The following CADPS variants were observed in gnomAD, a reference collection of about 807,000 sequenced individuals.
CADPS encodes calcium-dependent secretion activator 1.
In CADPS, 57 loss-of-function variants were observed where a neutral mutation model predicts 167.3. That is an observed-to-expected ratio of 0.34 (90% CI 0.28 to 0.42). CADPS has a LOEUF of 0.42. Among genes scored for constraint, CADPS ranks in the 20% least tolerant of loss-of-function variants. The pLI, the probability that CADPS is intolerant of heterozygous loss-of-function variation, is 1.00. For missense variants in CADPS, 1,414 were observed against 1,738.1 expected (o/e 0.81, Z 3.32); for synonymous variants, 676 against 635.3 (o/e 1.06, Z -0.96).
chr3:62,686,239 A>G (rs2078011600), intron 3 of CADPS, among the ~76,000 whole-genome samples: 1 of 152,068 alleles, frequency 6.6e-6, no homozygotes, highest in African/African-American at 2.4e-5. Context: ...AAACAGAAGA[A>G]CATTTTCGTT....
At chr3:62,807,111 G>C (rs1176998294) in intron 1 of CADPS, among the ~76,000 whole-genome samples, 1 of 152,114 alleles carries the variant, frequency 6.6e-6, no homozygotes, top group Non-Finnish European at 1.5e-5. Flanking sequence ...TTTGACCCAA[G>C]GGTTTGACCC....
intron 3 of CADPS, among the ~76,000 whole-genome samples, chr3:62,740,913 G>C (rs1456205953): frequency 6.6e-6 from 1 of 152,140 alleles, no homozygotes; most frequent in Non-Finnish European, 1.5e-5. Flanking sequence ...TATTACAATT[G>C]TCTACTATTT....
intron 6 of CADPS, among the ~76,000 whole-genome samples, chr3:62,620,067 T>G (rs2062929299): frequency 6.6e-6 from 1 of 151,950 alleles, no homozygotes; most frequent in Non-Finnish European, 1.5e-5. Flanking sequence ...ATTTATTGGG[T>G]GCTATTGATT....
intron 1 of CADPS, among the ~76,000 whole-genome samples, chr3:62,799,580 C>G (rs771271017): frequency 6.6e-6 from 1 of 152,146 alleles, no homozygotes; most frequent in Non-Finnish European, 1.5e-5. Context: ...ATTCTAGAGT[C>G]AAATCAACCT....
intron 1 of CADPS, among the ~76,000 whole-genome samples, chr3:62,807,325 GATCT>G (rs566418108): frequency 9.9e-6 from 1 of 100,974 alleles, no homozygotes; most frequent in Non-Finnish European, 2.5e-5. Context: ...GCACTGGCGT[GATCT>G]CAGCTCACTG....
At chr3:62,845,011 C>G (rs1197370122) in intron 1 of CADPS, among the ~76,000 whole-genome samples, 1 of 152,224 alleles carries the variant, frequency 6.6e-6, no homozygotes, top group Non-Finnish European at 1.5e-5. Context: ...TAACTAGAAA[C>G]TGTCACGGAA....
chr3:62,577,078 T>C (rs150781373), intron 8 of CADPS, among the ~76,000 whole-genome samples: 2 of 152,182 alleles, frequency 1.3e-5, no homozygotes, highest in East Asian at 3.9e-4. Context: ...TTCATCTGTG[T>C]TCAACTTTAG....
chr3:62,834,283 A>G (rs2075577529), intron 1 of CADPS, among the ~76,000 whole-genome samples: 1 of 152,092 alleles, frequency 6.6e-6, no homozygotes, highest in Non-Finnish European at 1.5e-5. Flanking sequence ...ACATTTCCAT[A>G]AGTGGGACAA....
intron 6 of CADPS, among the ~76,000 whole-genome samples, chr3:62,620,905 A>G (rs2063073972): frequency 6.6e-6 from 1 of 152,176 alleles, no homozygotes. Context: ...TGCCTCTGTC[A>G]GGATGCAGGA....
intron 12 of CADPS, chr3:62,536,146 A>C (rs1214471802): frequency 3.7e-6 from 1 of 268,602 alleles, no homozygotes; most frequent in Non-Finnish European, 7.1e-6. Context: ...CAAGTTCTCC[A>C]CAAGCAGGTG....
intron 2 of CADPS, among the ~76,000 whole-genome samples, chr3:62,764,484 A>G (rs547455272): frequency 1.3e-4 from 20 of 152,334 alleles, no homozygotes; most frequent in African/African-American, 4.8e-4. Flanking sequence ...TCTTGAAGAA[A>G]ATGGTGTAAA....
At chr3:62,406,939 T>C (rs1041145434) in intron 28 of CADPS, among the ~76,000 whole-genome samples, 4 of 152,214 alleles carry the variant, frequency 2.6e-5, no homozygotes, top group Non-Finnish European at 5.9e-5. Context: ...AACATCCACC[T>C]GGGTTTGTGA....
intron 2 of CADPS, among the ~76,000 whole-genome samples, chr3:62,757,870 C>T (rs2084374825): frequency 6.6e-6 from 1 of 152,170 alleles, no homozygotes; most frequent in Non-Finnish European, 1.5e-5. Context: ...GGCAAGAGAG[C>T]ATGTGCATGG....
At chr3:62,673,184 G>A (rs1182817085) in intron 3 of CADPS, among the ~76,000 whole-genome samples, 1 of 152,238 alleles carries the variant, frequency 6.6e-6, no homozygotes, top group Non-Finnish European at 1.5e-5. Flanking sequence ...AAGGGAGTAA[G>A]AAATATTTGC....
intron 1 of CADPS, chr3:62,796,404 G>T (rs1267797047): frequency 6.6e-6 from 1 of 152,136 alleles, no homozygotes; most frequent in Non-Finnish European, 1.5e-5. Context: ...ACAGTCACAA[G>T]CTACCATGCT....
intron 1 of CADPS, among the ~76,000 whole-genome samples, chr3:62,806,631 A>C (rs2094116795): frequency 6.6e-6 from 1 of 152,182 alleles, no homozygotes; most frequent in African/African-American, 2.4e-5. Context: ...TGGTTGAGGA[A>C]ACAGGATTAG....
At chr3:62,411,132 C>G (rs2048879842) in intron 28 of CADPS, among the ~76,000 whole-genome samples, 1 of 151,994 alleles carries the variant, frequency 6.6e-6, no homozygotes, top group Non-Finnish European at 1.5e-5. Flanking sequence ...ACAAACAAAC[C>G]CCACCTTTTT....
chr3:62,652,953 T>C (rs1484193101), intron 4 of CADPS, among the ~76,000 whole-genome samples: 1 of 152,154 alleles, frequency 6.6e-6, no homozygotes, highest in Admixed American at 6.5e-5. Context: ...TCCATAGAGC[T>C]TGGAGATGTC....
intron 23 of CADPS, among the ~76,000 whole-genome samples, chr3:62,477,481 T>C (rs570070203): frequency 1.3e-5 from 2 of 152,322 alleles, no homozygotes; most frequent in Non-Finnish European, 2.9e-5. Flanking sequence ...GGGATTCTAC[T>C]ACTCTCATTC....
Sources: gnomAD v4.1 joint callset for allele counts (sites outside exome capture counted in the v4.1 genomes callset) on GRCh38, gnomAD v4.1.1 for gene constraint, MANE v1.5 for transcripts, NCBI Gene and HGNC (gene_info 2026-07-23, HGNC 2026-07-21) for gene names.